Variants in SEC14L2 observed in about 807,000 individuals in gnomAD.
SEC14L2 encodes the protein SEC14-like protein 2.
In SEC14L2, 50 loss-of-function variants were observed where a neutral mutation model predicts 56.9. That is an observed-to-expected ratio of 0.88 (90% CI 0.70 to 1.11). The LOEUF (loss-of-function observed/expected upper bound fraction) is 1.11, where lower values mean the gene tolerates loss of function less well. SEC14L2 is among the 50% of genes most tolerant of loss of function. The pLI is 0.00. For missense variants in SEC14L2, 414 were observed against 500.7 expected, an observed-to-expected ratio of 0.83 and a Z score of 1.65; for synonymous variants, 179 against 188.5, an observed-to-expected ratio of 0.95 and a Z score of 0.41.
intron 11 of SEC14L2, chr22:30,416,670 C>T (rs1005232569): frequency 5.6e-6 from 8 of 1,424,234 alleles, no homozygotes; most frequent in African/African-American, 2.9e-5. Flanking sequence ...AGGGGTTCAA[C>T]ACGTCTGCTT....
At chr22:30,397,681 C>T (rs1819333402) in intron 1 of SEC14L2, 2 of 342,522 alleles carry the variant, frequency 5.8e-6, no homozygotes, top group Non-Finnish European at 1.2e-5. Flanking sequence ...CTTTGCTCCT[C>T]GATGCCATGG....
At chr22:30,408,883 C>T (rs752503696) in intron 5 of SEC14L2, 2 of 447,768 alleles carry the variant, frequency 4.5e-6, no homozygotes, top group Non-Finnish European at 8.4e-6. Flanking sequence ...GTGCACAGAG[C>T]ACACAGTGAC....
chr22:30,397,190 CG>C lies in SEC14L2; in HGVS notation c.54+23del. The C allele has an allele frequency of 6.6e-7, 1 of 1,510,340 alleles. No homozygotes were observed. The highest frequency in any genetic ancestry group is 1.3e-5 in the South Asian group (1 of 79,550). 93.6% of individuals were successfully genotyped at this position (1,510,340 alleles called of 1,614,324 possible). ...GCCAAGGTGAGCTGTAGCCCTGGCC[CG>C]GGCTCCCGCCTCGGGCTGTGGCCCT... On this transcript the variant is annotated intron_variant, in intron 1 of 11. Coordinates refer to ENST00000615189, the MANE Select transcript of SEC14L2 (RefSeq NM_012429.5).
intron 2 of SEC14L2, among the ~76,000 whole-genome samples, chr22:30,402,581 C>T (rs1448333120): frequency 1.3e-5 from 2 of 152,158 alleles, no homozygotes; most frequent in Non-Finnish European, 2.9e-5. Flanking sequence ...GGACTCCAGA[C>T]TCCAGGCCAG....
At chr22:30,399,832 T>C (rs1189591706) in intron 2 of SEC14L2, 114 bp downstream of exon 2, 17 of 824,982 alleles carry the variant, frequency 2.1e-5, no homozygotes, top group Non-Finnish European at 3.1e-5. Context: ...GTCCAACCTT[T>C]AGCGCCAAAG....
chr22:30,397,169 A>C lies in SEC14L2; in HGVS notation c.53A>C (p.Lys18Thr). The C allele has an allele frequency of 6.5e-7, 1 of 1,540,948 alleles. No homozygotes were observed. The highest frequency in any genetic ancestry group is 8.8e-7 in the Non-Finnish European group (1 of 1,142,574). The change falls in exon 1 of 12, where the codon AAG becomes ACG. Residue 18 changes from lysine to threonine, a missense_variant and splice_region_variant. Transcript: ENST00000615189. Reference protein sequence around the residue: ...LSPRQKEALAKFRENVQDVLP... With the variant: ...LSPRQKEALATFRENVQDVLP... ...CCCAGGCAGAAGGAGGCATTGGCCA[A>C]GGTGAGCTGTAGCCCTGGCCCGGGC...
In SEC14L2 at chr22:30,424,190, G is replaced by C. The variant is rs1934606598; in HGVS notation, c.*1783G>C. 6.3e-6 allele frequency: 1 copy of C among 157,800 alleles called. No homozygotes were observed. The highest frequency in any genetic ancestry group is 1.9e-4 in the East Asian group (1 of 5,270). The allele number at this position is 157,800 out of a possible 1,614,324, so 9.8% of individuals were successfully genotyped here. A position where few individuals can be genotyped will look rare whatever the true frequency, so the allele number is the denominator to read the frequency against. ...GTGTGAGTCCGGGCGAGCGCCTGCGGAGCTAGCACTGGGCCCAGAATGAGA... is the reference window on the plus strand; with the variant it reads ...GTGTGAGTCCGGGCGAGCGCCTGCGCAGCTAGCACTGGGCCCAGAATGAGA... On this transcript the variant is annotated 3_prime_UTR_variant, in exon 12 of 12. Transcript: ENST00000615189.
chr22:30,408,209 T>C (rs919485072), intron 5 of SEC14L2, among the ~76,000 whole-genome samples: 1 of 152,092 alleles, frequency 6.6e-6, no homozygotes, highest in African/African-American at 2.4e-5. Flanking sequence ...CCCAGTGAAA[T>C]CTTACTGTGG....
At chr22:30,398,268 T>G (rs1462724818) in intron 1 of SEC14L2, among the ~76,000 whole-genome samples, 1 of 152,062 alleles carries the variant, frequency 6.6e-6, no homozygotes, top group African/African-American at 2.4e-5. Flanking sequence ...CAGGGGCTGG[T>G]TAGGGTCCTT....
chr22:30,397,786 G>A (rs1933799179), intron 1 of SEC14L2: 1 of 467,042 alleles, frequency 2.1e-6, no homozygotes, highest in Non-Finnish European at 4.4e-6. Flanking sequence ...GTTAGTTTGA[G>A]CTGAGACCAG....
chr22:30,408,880 G>A, intron 5 of SEC14L2: 1 of 443,422 alleles, frequency 2.3e-6, no homozygotes, highest in Non-Finnish European at 4.2e-6. Context: ...ACCGTGCACA[G>A]AGCACACAGT....
At chr22:30,404,819 C>T (rs539837312) in intron 2 of SEC14L2, among the ~76,000 whole-genome samples, 1 of 152,282 alleles carries the variant, frequency 6.6e-6, no homozygotes, top group African/African-American at 2.4e-5. Context: ...CCTGTAATCC[C>T]AGCACTTTGG....
chr22:30,400,076 T>C (rs190102194), intron 2 of SEC14L2, among the ~76,000 whole-genome samples: 9 of 152,326 alleles, frequency 5.9e-5, no homozygotes, highest in Non-Finnish European at 1.3e-4. Flanking sequence ...GCCCCAGCCA[T>C]GTGGGGGGTC....
intron 11 of SEC14L2, among the ~76,000 whole-genome samples, chr22:30,420,086 T>A (rs1288489368): frequency 6.6e-6 from 1 of 152,130 alleles, no homozygotes; most frequent in Non-Finnish European, 1.5e-5. Flanking sequence ...CCCAAGTAGC[T>A]GGGATTACAG....
In SEC14L2 at chr22:30,422,688, G is replaced by C. The variant is rs1396378457; in HGVS notation, c.*281G>C. On this transcript the variant is annotated 3_prime_UTR_variant, in exon 12 of 12. Coordinates refer to ENST00000615189, the MANE Select transcript of SEC14L2 (RefSeq NM_012429.5). ...ACCTGTCCAGGGACAGCGAAGCTGG[G>C]GGTGGCGGGGGGCATGTACCACAGG... 3.2e-6 allele frequency: 1 copy of C among 308,896 alleles called. No individual in the cohort carries two copies. Among genetic ancestry groups the C allele is most frequent in the Non-Finnish European group, 6.0e-6 (1 of 166,400 alleles). 19.1% of individuals were successfully genotyped at this position (308,896 alleles called of 1,614,324 possible).
intron 2 of SEC14L2, among the ~76,000 whole-genome samples, chr22:30,402,333 A>C (rs1371224676): frequency 6.6e-6 from 1 of 152,194 alleles, no homozygotes; most frequent in Non-Finnish European, 1.5e-5. Flanking sequence ...TCTGAGAGCC[A>C]CTGAACAGCA....
intron 2 of SEC14L2, 87 bp from the exon 3 acceptor site, chr22:30,406,255 C>A: frequency 2.3e-6 from 3 of 1,291,778 alleles, no homozygotes; most frequent in Non-Finnish European, 3.4e-6. Flanking sequence ...AGGAACTGGC[C>A]CTATCATGGG....
intron 8 of SEC14L2, among the ~76,000 whole-genome samples, chr22:30,411,656 G>T (rs1207992502): frequency 7.2e-6 from 1 of 139,808 alleles, no homozygotes; most frequent in Non-Finnish European, 1.5e-5. Context: ...TGAGGCAGGA[G>T]AATCGCTTGA....
At chr22:30,416,503 A>C in intron 11 of SEC14L2, 100 bp downstream of exon 11, 1 of 1,595,580 alleles carries the variant, frequency 6.3e-7, no homozygotes, top group African/African-American at 1.3e-5. Flanking sequence ...GAGTGTTAGA[A>C]CTAGAAGTGG....
Sources: gnomAD v4.1 joint callset for allele counts (sites outside exome capture counted in the v4.1 genomes callset) on GRCh38, gnomAD v4.1.1 for gene constraint, MANE v1.5 for transcripts, NCBI Gene and HGNC (gene_info 2026-07-23, HGNC 2026-07-21) for gene names.